Variants in ZCCHC17 observed in about 807,000 individuals in gnomAD.
ZCCHC17 encodes the protein zinc finger CCHC domain-containing protein 17.
Under a neutral mutation model 30.6 loss-of-function variants are expected in ZCCHC17, and 18 were observed. The observed-to-expected ratio is 0.59, with a 90% CI of 0.41 to 0.87. The LOEUF (loss-of-function observed/expected upper bound fraction) is 0.87. Ranked by LOEUF, ZCCHC17 falls within the 40% of genes least tolerant of loss-of-function variation. The pLI is 0.00. For missense variants in ZCCHC17, 263 were observed against 284.2 expected (o/e 0.93, Z 0.54); for synonymous variants, 88 against 92.4 (o/e 0.95, Z 0.27).
intron 3 of ZCCHC17, among the ~76,000 whole-genome samples, chr1:31,334,212 G>A (rs1638708109): frequency 6.6e-6 from 1 of 152,102 alleles, no homozygotes; most frequent in Non-Finnish European, 1.5e-5. Context: ...ATGTAGTGAT[G>A]ATGGATAGAG....
At chr1:31,352,694 A>C (rs1165916632) in intron 7 of ZCCHC17, among the ~76,000 whole-genome samples, 1 of 152,042 alleles carries the variant, frequency 6.6e-6, no homozygotes, top group Non-Finnish European at 1.5e-5. Flanking sequence ...CAGTCTTCCC[A>C]CCTTGGCCTC....
intron 1 of ZCCHC17, among the ~76,000 whole-genome samples, chr1:31,300,241 A>G (rs10914346): frequency 0.051 from 7,693 of 152,080 alleles, 413 homozygotes; most frequent in South Asian, 0.21. Context: ...TGTATTTTTT[A>G]TAGAGATAAG....
rs186972152 is a variant in ZCCHC17, at chr1:31,345,634, A to G, written c.318-1006A>G. Among the ~76,000 whole-genome samples, 534 of 89,306 alleles carry G rather than the reference A, an allele frequency of 6.0e-3. 6 individuals are homozygous for G. The highest frequency in any genetic ancestry group is 0.021 in the African/African-American group (517 of 25,110). 58.6% of individuals were successfully genotyped at this position (89,306 alleles called of 152,430 possible). A position where few individuals can be genotyped will look rare whatever the true frequency, so the allele number is the denominator to read the frequency against. The stretch of plus-strand genomic sequence containing the variant: ...ACCTGAGACTGGGTAATTTATAAAG[A>G]AAAGAGGTTTAATTGACTTATAGTT... On this transcript the variant is annotated intron_variant, in intron 5 of 7. Coordinates refer to ENST00000344147, the MANE Select transcript of ZCCHC17 (RefSeq NM_016505.4).
intron 2 of ZCCHC17, 46 bp downstream of exon 2, chr1:31,310,210 G>A: frequency 6.3e-7 from 1 of 1,593,136 alleles, no homozygotes; most frequent in Non-Finnish European, 8.6e-7. Flanking sequence ...TGTTAAAATA[G>A]ATTAAGGGTG....
At chr1:31,307,719 T>G (rs1191245736) in intron 1 of ZCCHC17, among the ~76,000 whole-genome samples, 5 of 151,944 alleles carry the variant, frequency 3.3e-5, no homozygotes, top group Non-Finnish European at 7.4e-5. Flanking sequence ...GGACCACAGG[T>G]GTGCACCACC....
chr1:31,345,400 C>T (rs940673751), intron 5 of ZCCHC17, among the ~76,000 whole-genome samples: 8 of 151,016 alleles, frequency 5.3e-5, no homozygotes, highest in Non-Finnish European at 5.9e-5. Context: ...TTATGATCCA[C>T]CCGCCTTGGC....
intron 3 of ZCCHC17, among the ~76,000 whole-genome samples, chr1:31,322,414 C>T (rs1646882211): frequency 6.6e-6 from 1 of 152,154 alleles, no homozygotes; most frequent in East Asian, 1.9e-4. Context: ...GAGTGACTCA[C>T]AGAACTCAGA....
At chr1:31,328,866 T>C (rs1638464203) in intron 3 of ZCCHC17, among the ~76,000 whole-genome samples, 1 of 152,138 alleles carries the variant, frequency 6.6e-6, no homozygotes, top group South Asian at 2.1e-4. Context: ...GTGGGTGGGA[T>C]TGAAAATTCC....
chr1:31,309,983 T>C (rs2148414373), intron 1 of ZCCHC17, 61 bp from the exon 2 acceptor site: 1 of 904,350 alleles, frequency 1.1e-6, no homozygotes, highest in Non-Finnish European at 1.8e-6. Context: ...GTGGATTGTC[T>C]GCATATTCAT....
At chr1:31,303,251 C>T (rs192841905) in intron 1 of ZCCHC17, among the ~76,000 whole-genome samples, 213 of 152,236 alleles carry the variant, frequency 1.4e-3, no homozygotes, top group African/African-American at 4.8e-3. Flanking sequence ...CATTGCACTC[C>T]GGCCTGGACA....
chr1:31,340,055 C>T (rs370826037), intron 5 of ZCCHC17, among the ~76,000 whole-genome samples: 15 of 146,860 alleles, frequency 1.0e-4, no homozygotes, highest in African/African-American at 3.7e-4. Flanking sequence ...CTCCCAAGCC[C>T]AAGCTATCCT....
intron 2 of ZCCHC17, among the ~76,000 whole-genome samples, chr1:31,313,640 T>G (rs1398087327): frequency 6.6e-6 from 1 of 152,202 alleles, no homozygotes; most frequent in Non-Finnish European, 1.5e-5. Flanking sequence ...TCTGTCCTTT[T>G]TCTTTATGGC....
chr1:31,320,573 A>G (rs1163117171), intron 3 of ZCCHC17, among the ~76,000 whole-genome samples: 1 of 152,252 alleles, frequency 6.6e-6, no homozygotes, highest in East Asian at 1.9e-4. Context: ...ATAATGCAGT[A>G]TATAGTCTTT....
chr1:31,315,395 G>A (rs1171288085), intron 2 of ZCCHC17, among the ~76,000 whole-genome samples: 1 of 152,114 alleles, frequency 6.6e-6, no homozygotes, highest in African/African-American at 2.4e-5. Context: ...TAGCTGAGAA[G>A]CCAGTATTCA....
At chr1:31,312,375 G>A (rs1357691922) in intron 2 of ZCCHC17, among the ~76,000 whole-genome samples, 1 of 152,112 alleles carries the variant, frequency 6.6e-6, no homozygotes, top group Admixed American at 6.6e-5. Flanking sequence ...TAGGTGGATG[G>A]GTAGAAAATA....
At chr1:31,357,880 C>G (rs370745042) in intron 7 of ZCCHC17, among the ~76,000 whole-genome samples, 2 of 152,002 alleles carry the variant, frequency 1.3e-5, no homozygotes, top group East Asian at 3.9e-4. Flanking sequence ...CTCAGCCTCC[C>G]GAGTAGCTGG....
intron 2 of ZCCHC17, among the ~76,000 whole-genome samples, chr1:31,314,213 A>G (rs1457079845): frequency 3.9e-5 from 6 of 152,138 alleles, no homozygotes; most frequent in African/African-American, 9.7e-5. Context: ...TGCAGGTTTT[A>G]TATATTACTA....
chr1:31,299,247 A>AT (rs1256757787), intron 1 of ZCCHC17, among the ~76,000 whole-genome samples: 2 of 152,180 alleles, frequency 1.3e-5, no homozygotes, highest in East Asian at 3.9e-4. Flanking sequence ...GTTTTGAGAA[A>AT]TTTGAGAATA....
At chr1:31,336,177 G>A (rs1473416682) in intron 3 of ZCCHC17, among the ~76,000 whole-genome samples, 1 of 151,732 alleles carries the variant, frequency 6.6e-6, no homozygotes, top group Non-Finnish European at 1.5e-5. Context: ...GGCTCAAGCA[G>A]TGCTCCCACC....
Sources: allele counts gnomAD v4.1 joint callset (sites outside exome capture counted in the v4.1 genomes callset), GRCh38; gene constraint gnomAD v4.1.1; transcripts MANE v1.5; gene names NCBI Gene and HGNC (gene_info 2026-07-23, HGNC 2026-07-21).